The following CFAP263 variants were observed in gnomAD, a reference collection of about 807,000 sequenced individuals.
CFAP263 encodes the protein cilia and flagella associated protein 263.
the CFAP263 span, chr16:58,280,331 C>A: frequency 1.2e-6 from 2 of 1,614,176 alleles, no homozygotes; most frequent in Non-Finnish European, 1.7e-6. Flanking sequence ...CCCACCTCCC[C>A]ACCGTAATAG....
the CFAP263 span, among the ~76,000 whole-genome samples, chr16:58,258,159 CT>C: frequency 6.7e-6 from 1 of 149,396 alleles, no homozygotes. Context: ...TTTGTTTGCT[CT>C]CTTTTTATGG....
the CFAP263 span, among the ~76,000 whole-genome samples, chr16:58,276,767 G>T: frequency 2.0e-5 from 3 of 152,202 alleles, no homozygotes. Flanking sequence ...GTGACTGTGG[G>T]AGAATTGTTA....
chr16:58,280,555 G>T, the CFAP263 span: 1 of 1,614,204 alleles, frequency 6.2e-7, no homozygotes, highest in Non-Finnish European at 8.5e-7. Context: ...GTGGGAGAAA[G>T]AAATCAACTT....
At chr16:58,253,552 A>G in the CFAP263 span, among the ~76,000 whole-genome samples, 1 of 152,120 alleles carries the variant, frequency 6.6e-6, no homozygotes, top group Non-Finnish European at 1.5e-5. Context: ...TGTACCCTGG[A>G]CCACCCGCTT....
At chr16:58,280,281 C>T in the CFAP263 span, 4 of 1,613,862 alleles carry the variant, frequency 2.5e-6, no homozygotes, top group Non-Finnish European at 3.4e-6. Flanking sequence ...TTTCTTCGGG[C>T]TGATACAACC....
chr16:58,270,800 C>T, the CFAP263 span, among the ~76,000 whole-genome samples: 11 of 151,928 alleles, frequency 7.2e-5, no homozygotes, highest in African/African-American at 2.7e-4. Flanking sequence ...ATAGTGTGAG[C>T]GAGGATTTCA....
the CFAP263 span, among the ~76,000 whole-genome samples, chr16:58,277,197 C>T: frequency 2.0e-5 from 3 of 151,840 alleles, no homozygotes; most frequent in Admixed American, 6.6e-5. Context: ...GTCGTGATCT[C>T]GGCTTACTGC....
chr16:58,255,052 C>T, the CFAP263 span, among the ~76,000 whole-genome samples: 3 of 152,162 alleles, frequency 2.0e-5, no homozygotes, highest in African/African-American at 4.8e-5. Context: ...GGCAAAGTCC[C>T]ACGCAATCGA....
chr16:58,251,574 T>C, the CFAP263 span, among the ~76,000 whole-genome samples: 1 of 152,086 alleles, frequency 6.6e-6, no homozygotes, highest in Non-Finnish European at 1.5e-5. Context: ...GTACTTTTAG[T>C]AGAGATGGGG....
the CFAP263 span, chr16:58,254,026 G>A: frequency 6.8e-5 from 109 of 1,614,144 alleles, 1 homozygote; most frequent in African/African-American, 5.6e-4. Context: ...TCCAAATCCC[G>A]GACAGGTATG....
the CFAP263 span, among the ~76,000 whole-genome samples, chr16:58,266,403 ATATTT>A: frequency 1.7e-4 from 5 of 29,458 alleles, no homozygotes; most frequent in Non-Finnish European, 2.3e-4. Context: ...ATATATATAT[ATATTT>A]TTTTTTTTTT....
At chr16:58,262,560 C>G in the CFAP263 span, 7 of 1,579,266 alleles carry the variant, frequency 4.4e-6, no homozygotes, top group Admixed American at 1.0e-4. Flanking sequence ...TCCCTGATAC[C>G]CAGGGCTCCC....
At chr16:58,259,483 C>T in the CFAP263 span, among the ~76,000 whole-genome samples, 1 of 152,062 alleles carries the variant, frequency 6.6e-6, no homozygotes, top group Non-Finnish European at 1.5e-5. Context: ...ATCCTGGAGA[C>T]AAGGTAGGGT....
the CFAP263 span, chr16:58,262,457 G>A: frequency 2.5e-6 from 4 of 1,612,862 alleles, no homozygotes; most frequent in African/African-American, 1.3e-5. Context: ...TCAATTTCTT[G>A]AGACAATTGA....
chr16:58,281,310 A>C, the CFAP263 span: 4,152 of 157,746 alleles, frequency 0.026, 77 homozygotes, highest in East Asian at 0.048. Flanking sequence ...CATTAGCTAG[A>C]TATGGGACCC....
At chr16:58,264,522 C>T in the CFAP263 span, among the ~76,000 whole-genome samples, 1 of 152,124 alleles carries the variant, frequency 6.6e-6, no homozygotes, top group Admixed American at 6.5e-5. Context: ...TCAGACCTTG[C>T]CTGTGCTTGA....
the CFAP263 span, among the ~76,000 whole-genome samples, chr16:58,275,389 G>T: frequency 2.6e-5 from 4 of 152,076 alleles, no homozygotes; most frequent in Admixed American, 2.0e-4. Context: ...TCTTTAAGTT[G>T]ATCTGTGAAA....
the CFAP263 span, chr16:58,281,009 A>AT: frequency 4.3e-6 from 2 of 465,170 alleles, no homozygotes; most frequent in East Asian, 6.9e-5. Context: ...TTCATATTTC[A>AT]TTTTCTTGCC....
At chr16:58,277,946 A>G in the CFAP263 span, among the ~76,000 whole-genome samples, 1 of 152,178 alleles carries the variant, frequency 6.6e-6, no homozygotes, top group Admixed American at 6.5e-5. Context: ...GAGTGATTGT[A>G]TAATGGGTAC....
Sources: gnomAD v4.1 joint callset for allele counts (sites outside exome capture counted in the v4.1 genomes callset) on GRCh38, gnomAD v4.1.1 for gene constraint, MANE v1.5 for transcripts, NCBI Gene and HGNC (gene_info 2026-07-23, HGNC 2026-07-21) for gene names.